TOX2: variants seen among roughly 807,000 people sequenced by gnomAD.
TOX2 encodes the protein TOX high mobility group box family member 2, also known as granulosa cell HMG box 1.
Under a neutral mutation model 47.4 loss-of-function variants are expected in TOX2, and 15 were observed. The ratio of observed to expected loss-of-function variants is 0.32; its 90% CI spans 0.21 to 0.49. The LOEUF (loss-of-function observed/expected upper bound fraction) is 0.49, where lower values mean the gene tolerates loss of function less well. Among genes scored for constraint, TOX2 ranks in the 20% least tolerant of loss-of-function variants. TOX2 has a pLI of 0.99. For missense variants in TOX2, 622 were observed against 673.1 expected (o/e 0.92, Z 0.84); for synonymous variants, 290 against 296.6 (o/e 0.98, Z 0.23).
At position 44,006,640 on chromosome 20, in the gene TOX2, G is replaced by C; in HGVS notation, c.259G>C (p.Asp87His). The C allele has an allele frequency of 6.2e-7, 1 of 1,614,070 alleles. No homozygotes were observed. The highest frequency in any genetic ancestry group is 8.5e-7 in the Non-Finnish European group (1 of 1,180,034). The change falls in exon 3 of 9, where the codon GAC becomes CAC. Residue 87 changes from aspartate (D) to histidine (H), a missense_variant. Physicochemically the swap from Asp to His is moderately conservative, Grantham distance 81. Around this residue, in one of 3 missense-constraint regions of TOX2, gnomAD observed 307 missense variants for 327.3 expected, o/e 0.94. Coordinates refer to ENST00000341197, the MANE Select transcript of TOX2 (RefSeq NM_001098797.2). ...GGAGCCATCCCTCCTGCACCTGGGGGACCACGAAGCCAGCTACCACTCGCT... is the reference window on the plus strand; with the variant it reads ...GGAGCCATCCCTCCTGCACCTGGGGCACCACGAAGCCAGCTACCACTCGCT... ...LPEPSLLHLGDHEASYHSLCH... is the reference protein window; with the variant it reads ...LPEPSLLHLGHHEASYHSLCH...
chr20:44,068,505 A>C, intron 8 of TOX2, 145 bp from the exon 9 acceptor site: 58 of 705,650 alleles, frequency 8.2e-5, no homozygotes, highest in Admixed American at 1.0e-4. Flanking sequence ...TGGGGGTGGG[A>C]CTTGCAGATG....
intron 1 of TOX2, among the ~76,000 whole-genome samples, chr20:43,957,376 G>A (rs1041364369): frequency 3.9e-5 from 6 of 152,202 alleles, no homozygotes; most frequent in African/African-American, 1.4e-4. Context: ...TGTTATAAGC[G>A]TGAGCTTTAG....
rs969551337 is a variant in TOX2 at position 44,010,478 on chromosome 20, G to A, written c.411+3686G>A. ...AGATAAGCCAAACTCTATTACCCAG[G>A]GGAGGGCACCCGGACCAACTGGGAA... On this transcript the variant is annotated intron_variant, in intron 3 of 8. Coordinates refer to ENST00000341197, the MANE Select transcript of TOX2 (RefSeq NM_001098797.2). Among the ~76,000 whole-genome samples, 4 of 152,160 alleles carry A rather than the reference G, an allele frequency of 2.6e-5. No homozygotes were observed. The South Asian group carries it at 6.2e-4, about 24-fold the overall frequency.
chr20:43,981,650 G>T (rs2070170824), intron 2 of TOX2, among the ~76,000 whole-genome samples: 1 of 152,214 alleles, frequency 6.6e-6, no homozygotes. Context: ...TAAATAAAAT[G>T]TAAGAAGAAG....
chr20:43,973,639 T>A (rs188829010), intron 2 of TOX2, among the ~76,000 whole-genome samples: 32 of 152,324 alleles, frequency 2.1e-4, no homozygotes, highest in African/African-American at 7.2e-4. Context: ...ACCTGGCTAC[T>A]GTTGGCTTAA....
chr20:43,966,450 G>A (rs972030890), intron 1 of TOX2, among the ~76,000 whole-genome samples: 6 of 152,138 alleles, frequency 3.9e-5, no homozygotes, highest in African/African-American at 1.4e-4. Flanking sequence ...GCTCATGGTG[G>A]GACGATGTGT....
chr20:43,941,644 T>G (rs1382133574), intron 1 of TOX2, among the ~76,000 whole-genome samples: 1 of 152,220 alleles, frequency 6.6e-6, no homozygotes. Context: ...AAAGCCCTGT[T>G]CTTTTTATTT....
At chr20:44,065,566 G>T (rs1217455713) in intron 6 of TOX2, 146 bp from the exon 7 acceptor site, 17 of 914,438 alleles carry the variant, frequency 1.9e-5, no homozygotes, top group Admixed American at 1.4e-4. Flanking sequence ...TAAGGACCCT[G>T]TGCTATCTCT....
intron 2 of TOX2, among the ~76,000 whole-genome samples, chr20:43,991,370 C>T (rs540246964): frequency 6.6e-6 from 1 of 152,330 alleles, no homozygotes; most frequent in African/African-American, 2.4e-5. Context: ...GATGTTCATT[C>T]ATTCATTCAC....
At chr20:44,000,467 G>C (rs1431146356) in intron 2 of TOX2, among the ~76,000 whole-genome samples, 1 of 152,190 alleles carries the variant, frequency 6.6e-6, no homozygotes, top group African/African-American at 2.4e-5. Flanking sequence ...AGGTGGAGAA[G>C]ACTGTGGGAG....
chr20:43,920,229 C>A (rs998374816), intron 1 of TOX2, among the ~76,000 whole-genome samples: 1 of 152,332 alleles, frequency 6.6e-6, no homozygotes, highest in African/African-American at 2.4e-5. Context: ...AAGGATTCAA[C>A]TTCCCACCCA....
intron 7 of TOX2, among the ~76,000 whole-genome samples, chr20:44,066,449 C>T (rs1280677349): frequency 6.6e-6 from 1 of 152,170 alleles, no homozygotes; most frequent in Non-Finnish European, 1.5e-5. Context: ...TCACATGGCC[C>T]TTAGAGGTCA....
At chr20:44,041,764 T>C (rs1394567927) in intron 3 of TOX2, among the ~76,000 whole-genome samples, 1 of 152,240 alleles carries the variant, frequency 6.6e-6, no homozygotes, top group East Asian at 1.9e-4. Flanking sequence ...GTTGTGGCTT[T>C]AATTTTATTA....
At chr20:43,931,736 G>C (rs1349772508) in intron 1 of TOX2, among the ~76,000 whole-genome samples, 1 of 152,230 alleles carries the variant, frequency 6.6e-6, no homozygotes, top group African/African-American at 2.4e-5. Flanking sequence ...GAATAGTTGG[G>C]AGGTGGTGCC....
At position 44,066,867 on chromosome 20, in the gene TOX2, C is replaced by T. The variant is rs765324559; in HGVS notation, c.1484+10C>T. On this transcript the variant is annotated intron_variant, in intron 8 of 8. Coordinates refer to ENST00000341197, the MANE Select transcript of TOX2 (RefSeq NM_001098797.2). ...GCATCAGCACCTGCAGGTTAGTCCT[C>T]GCCCGTCCCTGCCTTTGTCCTGCCA... 5.3e-5 allele frequency: 85 copies of T among 1,609,494 alleles called. 1 individual carries two copies. The highest frequency in any genetic ancestry group is 1.0e-4 in the Admixed American group (6 of 59,734).
chr20:43,953,098 C>G (rs569542452), intron 1 of TOX2, among the ~76,000 whole-genome samples: 2 of 152,066 alleles, frequency 1.3e-5, no homozygotes, highest in African/African-American at 4.8e-5. Flanking sequence ...GGAACACAAG[C>G]AGCCACTAGA....
intron 1 of TOX2, 66 bp from the exon 2 acceptor site, chr20:43,973,301 G>A (rs2070010155): frequency 5.2e-6 from 8 of 1,524,920 alleles, no homozygotes; most frequent in East Asian, 2.3e-5. Flanking sequence ...TCCTCCGGCT[G>A]CTTCTCCTGG....
At chr20:44,018,610 T>C (rs1210885133) in intron 3 of TOX2, among the ~76,000 whole-genome samples, 1 of 152,192 alleles carries the variant, frequency 6.6e-6, no homozygotes, top group African/African-American at 2.4e-5. Context: ...CTGCTCTGCC[T>C]GGATAATAAA....
chr20:43,931,444 C>T (rs1006146248), intron 1 of TOX2, among the ~76,000 whole-genome samples: 8 of 152,198 alleles, frequency 5.3e-5, no homozygotes, highest in Admixed American at 2.0e-4. Flanking sequence ...TAAACATACA[C>T]GTCTGTTAAA....
Sources: allele counts gnomAD v4.1 joint callset (sites outside exome capture counted in the v4.1 genomes callset), GRCh38; gene constraint gnomAD v4.1.1; regional missense constraint gnomAD v4.1.1; transcripts MANE v1.5; gene names NCBI Gene and HGNC (gene_info 2026-07-23, HGNC 2026-07-21).